Variants in CACNA2D3 observed in about 807,000 individuals in gnomAD.
CACNA2D3 encodes voltage-dependent calcium channel subunit alpha-2/delta-3.
Under a neutral mutation model 160.6 loss-of-function variants are expected in CACNA2D3, and 60 were observed. That is an observed-to-expected ratio of 0.37 (90% CI 0.30 to 0.46). CACNA2D3 has a LOEUF of 0.46. Ranked by LOEUF, CACNA2D3 falls within the 20% of genes least tolerant of loss-of-function variation. The probability of loss-of-function intolerance (pLI) is 1.00; values close to 1 mark genes in which losing one functional copy is unlikely to be tolerated. For missense variants in CACNA2D3, 1,205 were observed against 1,365.0 expected, an observed-to-expected ratio of 0.88 and a Z score of 1.85; for synonymous variants, 558 against 492.9, an observed-to-expected ratio of 1.13 and a Z score of -1.75.
At chr3:54,464,243 G>T (rs1008045306) in intron 4 of CACNA2D3, among the ~76,000 whole-genome samples, 9 of 152,198 alleles carry the variant, frequency 5.9e-5, no homozygotes, top group African/African-American at 2.2e-4. Context: ...ACTTGAGGAG[G>T]CAGTCTGCCC....
At chr3:54,883,829 T>TCTCTCTCA (rs753661413) in intron 21 of CACNA2D3, among the ~76,000 whole-genome samples, 1 of 145,704 alleles carries the variant, frequency 6.9e-6, no homozygotes, top group Non-Finnish European at 1.5e-5. Context: ...CTCTCCTCTC[T>TCTCTCTCA]CTCCCTTCAA....
chr3:54,144,669 T>C (rs1263054251), intron 2 of CACNA2D3, among the ~76,000 whole-genome samples: 1 of 152,240 alleles, frequency 6.6e-6, no homozygotes. Flanking sequence ...AATACTGGCT[T>C]TGCTGCTTAC....
At chr3:54,516,301 C>A (rs1296933295) in intron 5 of CACNA2D3, among the ~76,000 whole-genome samples, 1 of 152,178 alleles carries the variant, frequency 6.6e-6, no homozygotes, top group Non-Finnish European at 1.5e-5. Flanking sequence ...CAGGCTGCCC[C>A]GTGTGGCAGT....
chr3:54,206,652 C>CCGG (rs1212867875), intron 2 of CACNA2D3, among the ~76,000 whole-genome samples: 1 of 152,050 alleles, frequency 6.6e-6, no homozygotes, highest in East Asian at 1.9e-4. Context: ...GTTTGGTATA[C>CCGG]TGGTGAGCTA....
At chr3:54,674,638 T>C (rs923705037) in intron 11 of CACNA2D3, among the ~76,000 whole-genome samples, 5 of 152,022 alleles carry the variant, frequency 3.3e-5, no homozygotes, top group African/African-American at 9.7e-5. Flanking sequence ...GTTGGAAGGA[T>C]AGTTAATAGA....
At chr3:54,740,028 A>C (rs1337360133) in intron 11 of CACNA2D3, among the ~76,000 whole-genome samples, 1 of 151,952 alleles carries the variant, frequency 6.6e-6, no homozygotes, top group Non-Finnish European at 1.5e-5. Context: ...TTAATACTTG[A>C]TGGATGGAAG....
At chr3:54,437,482 G>A (rs193204917) in intron 4 of CACNA2D3, among the ~76,000 whole-genome samples, 6 of 152,316 alleles carry the variant, frequency 3.9e-5, no homozygotes, top group African/African-American at 1.2e-4. Context: ...TGTTAAGTCA[G>A]GTTCTTGCAG....
chr3:54,156,975 T>G (rs933081037), intron 2 of CACNA2D3, among the ~76,000 whole-genome samples: 1 of 152,230 alleles, frequency 6.6e-6, no homozygotes, highest in Non-Finnish European at 1.5e-5. Flanking sequence ...GTACATTAAC[T>G]GTATTAGTCT....
At chr3:54,963,936 G>C (rs537046242) in intron 27 of CACNA2D3, among the ~76,000 whole-genome samples, 1 of 152,184 alleles carries the variant, frequency 6.6e-6, no homozygotes, top group Non-Finnish European at 1.5e-5. Flanking sequence ...TTGAAGTTTC[G>C]ATATCTGTAG....
At chr3:54,861,895 T>G (rs1179911) in intron 17 of CACNA2D3, among the ~76,000 whole-genome samples, 61,949 of 152,082 alleles carry the variant, frequency 0.41, 13,128 homozygotes, top group Admixed American at 0.55. Flanking sequence ...ACATTTGGCT[T>G]TCCTCTGAGT....
chr3:54,827,249 A>G (rs1703767598), intron 14 of CACNA2D3, among the ~76,000 whole-genome samples: 1 of 152,112 alleles, frequency 6.6e-6, no homozygotes, highest in African/African-American at 2.4e-5. Flanking sequence ...AAATGTGCGT[A>G]GGCACTTGCA....
intron 13 of CACNA2D3, among the ~76,000 whole-genome samples, chr3:54,807,786 C>T (rs1703172201): frequency 6.6e-6 from 1 of 151,756 alleles, no homozygotes; most frequent in African/African-American, 2.4e-5. Context: ...TTCCCAATAG[C>T]AAAGACTTGG....
At chr3:54,521,444 T>A (rs1328075914) in intron 5 of CACNA2D3, among the ~76,000 whole-genome samples, 4 of 92,122 alleles carry the variant, frequency 4.3e-5, no homozygotes, top group Non-Finnish European at 1.0e-4. Context: ...CAGATACAAG[T>A]CCCTTATCAA....
At chr3:55,033,073 G>A (rs3773551) in intron 35 of CACNA2D3, among the ~76,000 whole-genome samples, 25,327 of 151,900 alleles carry the variant, frequency 0.17, 2,315 homozygotes, top group East Asian at 0.26. Context: ...GAGCTGAAAG[G>A]CAACTTTGTG....
At position 54,885,546 on chromosome 3, in the gene CACNA2D3, G is replaced by A. The variant is rs374818350; in HGVS notation, c.2016G>A (p.Ala672=). 97 of 1,613,430 alleles carry A rather than the reference G, an allele frequency of 6.0e-5. No homozygotes were observed. The African/African-American group carries it at 1.2e-3, about 20-fold the overall frequency. ...PEHRHLSQLE[A]IKLYLKGKEP... is the part of the protein sequence containing the mutation. The stretch of plus-strand genomic sequence containing the variant: ...ACCGCCATCTGTCTCAGTTAGAAGC[G>A]ATTAAGCTCTACCTAAAAGGCAAAG... The change falls in exon 23 of 38, where the codon GCG becomes GCA. Residue 672 remains alanine (A), a synonymous_variant. Transcript: ENST00000474759.
At chr3:54,179,332 A>C (rs775344270) in intron 2 of CACNA2D3, among the ~76,000 whole-genome samples, 1 of 152,188 alleles carries the variant, frequency 6.6e-6, no homozygotes, top group Non-Finnish European at 1.5e-5. Flanking sequence ...GCCTTTGGGC[A>C]GTCTTGCTCT....
intron 27 of CACNA2D3, among the ~76,000 whole-genome samples, chr3:54,938,570 G>A (rs1285957122): frequency 1.3e-5 from 2 of 152,082 alleles, no homozygotes; most frequent in Non-Finnish European, 2.9e-5. Flanking sequence ...TTGCTGAAGG[G>A]AGAATTTGAA....
intron 9 of CACNA2D3, among the ~76,000 whole-genome samples, chr3:54,622,579 T>A (rs1349655544): frequency 1.5e-5 from 1 of 65,956 alleles, no homozygotes; most frequent in Non-Finnish European, 2.8e-5. Context: ...CTGGCCAGTT[T>A]TTGGTTTTTT....
At chr3:54,180,797 G>T (rs1349070149) in intron 2 of CACNA2D3, among the ~76,000 whole-genome samples, 1 of 152,206 alleles carries the variant, frequency 6.6e-6, no homozygotes, top group Non-Finnish European at 1.5e-5. Context: ...CTAGAGTTGG[G>T]CATATTGCAT....
Sources: allele counts gnomAD v4.1 joint callset (sites outside exome capture counted in the v4.1 genomes callset), GRCh38; gene constraint gnomAD v4.1.1; transcripts MANE v1.5; gene names NCBI Gene and HGNC (gene_info 2026-07-23, HGNC 2026-07-21).